The following ZNF676 variants were observed in gnomAD, a reference collection of about 807,000 sequenced individuals.
The protein encoded by ZNF676 is zinc finger protein 676.
A neutral mutation model predicts 6.0 loss-of-function variants in ZNF676; 4 were observed. The observed-to-expected ratio is 0.67, with a 90% CI of 0.33 to 1.53. ZNF676 has a LOEUF of 1.53. ZNF676 is among the 40% of genes most tolerant of loss of function. The probability of loss-of-function intolerance (pLI) is 0.06; values close to 1 mark genes in which losing one functional copy is unlikely to be tolerated. For synonymous variants in ZNF676, 198 were observed against 223.1 expected (o/e 0.89, Z 1.00); for missense variants, 644 against 679.7 (o/e 0.95, Z 0.58).
At chr19:22,222,229 C>T in the ZNF676 span, among the ~76,000 whole-genome samples, 4 of 152,178 alleles carry the variant, frequency 2.6e-5, no homozygotes, top group East Asian at 3.9e-4. Flanking sequence ...CTCAGACTCC[C>T]GAGTAGCTGG....
intron 2 of ZNF676, among the ~76,000 whole-genome samples, chr19:22,192,626 A>G (rs114475552): frequency 0.017 from 2,662 of 152,272 alleles, 49 homozygotes; most frequent in African/African-American, 0.039. Context: ...ATGATACAGA[A>G]ACCACTACTC....
At chr19:22,209,034 G>C (rs1347642936) in intron 1 of ZNF676, among the ~76,000 whole-genome samples, 2 of 152,176 alleles carry the variant, frequency 1.3e-5, no homozygotes, top group Non-Finnish European at 2.9e-5. Flanking sequence ...GGGAGGCCAA[G>C]GCGGCAGATC....
At chr19:22,190,586 T>C (rs1433636137) in intron 2 of ZNF676, among the ~76,000 whole-genome samples, 1 of 141,080 alleles carries the variant, frequency 7.1e-6, no homozygotes, top group African/African-American at 2.6e-5. Flanking sequence ...AACAATCTGG[T>C]TAAGTATAAG....
At chr19:22,235,121 C>CAGAAAGGAAGGAAGGA in the ZNF676 span, among the ~76,000 whole-genome samples, 219 of 131,802 alleles carry the variant, frequency 1.7e-3, 7 homozygotes, top group African/African-American at 6.1e-3. Flanking sequence ...GGCAGGAAGG[C>CAGAAAGGAAGGAAGGA]AGGAAGGAAG....
the ZNF676 span, among the ~76,000 whole-genome samples, chr19:22,253,404 G>GTGTA: frequency 1.3e-3 from 130 of 96,992 alleles, no homozygotes; most frequent in African/African-American, 5.1e-3. Context: ...ATGATAATGT[G>GTGTA]TATATATATA....
At chr19:22,210,323 A>T (rs2024116251) in intron 1 of ZNF676, among the ~76,000 whole-genome samples, 1 of 152,090 alleles carries the variant, frequency 6.6e-6, no homozygotes, top group African/African-American at 2.4e-5. Context: ...CAGTCCCACA[A>T]CATTGTCCTC....
chr19:22,210,988 T>A (rs1331764958), intron 1 of ZNF676, among the ~76,000 whole-genome samples: 1 of 152,132 alleles, frequency 6.6e-6, no homozygotes, highest in Non-Finnish European at 1.5e-5. Context: ...TTCTTTCTAA[T>A]CTTATTTGTT....
At chr19:22,186,216 G>A (rs762061174) in intron 2 of ZNF676, among the ~76,000 whole-genome samples, 14 of 152,086 alleles carry the variant, frequency 9.2e-5, no homozygotes, top group Non-Finnish European at 1.8e-4. Flanking sequence ...AAGACTGGGG[G>A]GCCAATATTC....
upstream of ZNF676, among the ~76,000 whole-genome samples, chr19:22,198,250 T>C (rs1431234151): frequency 6.6e-6 from 1 of 152,210 alleles, no homozygotes; most frequent in Admixed American, 6.6e-5. Flanking sequence ...AAAGGGACAT[T>C]TTTAATATTG....
chr19:22,230,123 A>G, the ZNF676 span, among the ~76,000 whole-genome samples: 1 of 152,262 alleles, frequency 6.6e-6, no homozygotes, highest in African/African-American at 2.4e-5. Context: ...GATAGACTGG[A>G]TAAAGAAAAT....
Position 22,215,057 on chromosome 19 carries a change from AAAACAAC to A in ZNF676, c.3+568_3+574del, listed in dbSNP as rs1333457995. Among the ~76,000 whole-genome samples, 37 of 118,874 alleles carry A rather than the reference AAAACAAC, an allele frequency of 3.1e-4. 1 individual carries two copies. The highest frequency in any genetic ancestry group is 1.3e-3 in the African/African-American group (34 of 26,150). The allele number at this position is 118,874 out of a possible 152,430, so 78.0% of individuals were successfully genotyped here. A position where few individuals can be genotyped will look rare whatever the true frequency, so the allele number is the denominator to read the frequency against. On this transcript the variant is annotated intron_variant, in intron 1 of 3. Transcript: ENST00000650058. ...CTCCATCTCAAAAAAAAAAAAAAAA[AAAACAAC>A]AAAAAACCAGGAAACTACATAACTG...
chr19:22,232,896 T>G, the ZNF676 span, among the ~76,000 whole-genome samples: 1 of 152,138 alleles, frequency 6.6e-6, no homozygotes, highest in East Asian at 1.9e-4. Flanking sequence ...CAATGTTCTT[T>G]AAAAGTTCAC....
chr19:22,180,467 C>A lies in ZNF676; in HGVS notation c.1250G>T (p.Gly417Val), dbSNP rs376066832. 10 of 1,609,494 alleles carry A rather than the reference C, an allele frequency of 6.2e-6. No homozygotes were observed. In the East Asian group the frequency reaches 9.0e-5, roughly 14 times the overall value. The change falls in exon 3 of 3, where the codon GGA becomes GTA. Residue 417 changes from glycine to valine, a missense_variant. By Grantham distance (109) the Gly-to-Val change is moderately radical. Coordinates refer to ENST00000397121, the MANE Select transcript of ZNF676 (RefSeq NM_001001411.3). ...KLMEHKRIHT[G>V]EKPYKCEECG... The stretch of plus-strand genomic sequence containing the variant: ...TTCTTCACACTTGTAGGGTTTCTCT[C>A]CAGTATGAATTCTCTTATGTTCCAT...
At chr19:22,218,235 T>G (rs552939605), upstream of ZNF676, among the ~76,000 whole-genome samples, 1 of 152,340 alleles carries the variant, frequency 6.6e-6, no homozygotes, top group East Asian at 1.9e-4. Flanking sequence ...GGAGAGTTTT[T>G]TCAATGCTTT....
chr19:22,180,337 C>G lies in ZNF676; in HGVS notation c.1380G>C (p.Trp460Cys). 2 of 1,607,034 alleles carry G rather than the reference C, an allele frequency of 1.2e-6. No individual in the cohort carries two copies. The highest frequency in any genetic ancestry group is 1.7e-6 in the Non-Finnish European group (2 of 1,177,486). The change falls in exon 3 of 3, where the codon TGG becomes TGC. Residue 460 changes from tryptophan to cysteine, a missense_variant. This residue lies in a region of ZNF676 where 306 missense variants were observed against 265.4 expected (regional missense o/e 1.15). Transcript: ENST00000397121. ...KCEECGKAFT[W>C]SSSFTKHKRI... ...TCTTGTGTTTAGTAAAGCTTGAGGA[C>G]CAGGTGAAGGCTTTGCCACATTCTT... is the stretch of plus-strand genomic sequence containing the variant.
the ZNF676 span, among the ~76,000 whole-genome samples, chr19:22,229,935 T>A: frequency 1.3e-5 from 2 of 152,084 alleles, no homozygotes; most frequent in African/African-American, 4.8e-5. Context: ...TGGAAGACAA[T>A]GTGACAATTC....
At chr19:22,239,290 C>T in the ZNF676 span, among the ~76,000 whole-genome samples, 600 of 151,084 alleles carry the variant, frequency 4.0e-3, 4 homozygotes, top group Middle Eastern at 0.017. Flanking sequence ...CAACTCCTGC[C>T]TCAGCCTCCC....
intron 2 of ZNF676, among the ~76,000 whole-genome samples, chr19:22,182,593 A>AAAAAAAAAAAAAACAC (rs1356303631): frequency 1.1e-5 from 1 of 90,930 alleles, no homozygotes; most frequent in Non-Finnish European, 2.1e-5. Context: ...TCTAAAAAAA[A>AAAAAAAAAAAAAACAC]AAAAAAAAAG....
At chr19:22,226,071 A>T in the ZNF676 span, among the ~76,000 whole-genome samples, 1 of 152,020 alleles carries the variant, frequency 6.6e-6, no homozygotes, top group Non-Finnish European at 1.5e-5. Flanking sequence ...TATTTTTTAT[A>T]TCTAAGTATT....
Sources: allele counts gnomAD v4.1 joint callset (sites outside exome capture counted in the v4.1 genomes callset), GRCh38; gene constraint gnomAD v4.1.1; regional missense constraint gnomAD v4.1.1; transcripts MANE v1.5; gene names NCBI Gene and HGNC (gene_info 2026-07-23, HGNC 2026-07-21).